Variants in SENP2 observed in about 807,000 individuals in gnomAD.
The protein encoded by SENP2 is SUMO specific peptidase 2.
SENP2 carries 16 observed loss-of-function variants against 86.3 expected under a neutral mutation model. The observed-to-expected ratio is 0.19, with a 90% CI of 0.13 to 0.28. The LOEUF (loss-of-function observed/expected upper bound fraction) is 0.28. SENP2 is among the 10% of genes least tolerant of loss of function. The probability of loss-of-function intolerance (pLI) is 1.00; values close to 1 mark genes in which losing one functional copy is unlikely to be tolerated. For synonymous variants in SENP2, 222 were observed against 238.7 expected, an observed-to-expected ratio of 0.93 and a Z score of 0.64; for missense variants, 552 against 703.0, an observed-to-expected ratio of 0.79 and a Z score of 2.43.
chr3:185,598,550 G>A lies in SENP2; in HGVS notation c.291+5G>A, dbSNP rs1560191384. 1.2e-6 allele frequency: 2 copies of A among 1,613,308 alleles called. No homozygotes were observed. The highest frequency in any genetic ancestry group is 1.7e-6 in the Non-Finnish European group (2 of 1,179,408). On this transcript the variant is annotated splice_donor_5th_base_variant and intron_variant, in intron 3 of 16. Transcript: ENST00000296257. The stretch of plus-strand genomic sequence containing the variant: ...AATGTGGCCCCTTCAGGAGAGGTCA[G>A]TGGGGATGAGACTCCATTAGGAATA...
intron 16 of SENP2, 150 bp downstream of exon 16, chr3:185,626,543 C>T (rs1236444324): frequency 3.2e-5 from 17 of 528,044 alleles, no homozygotes; most frequent in South Asian, 1.1e-4. Context: ...GAGGCCGAGG[C>T]GGGTGGACCA....
chr3:185,610,148 A>G (rs1354217445), intron 7 of SENP2, among the ~76,000 whole-genome samples: 1 of 143,210 alleles, frequency 7.0e-6, no homozygotes, highest in Non-Finnish European at 1.5e-5. Context: ...ACAGAATATT[A>G]TCTAGCTTTT....
intron 12 of SENP2, among the ~76,000 whole-genome samples, chr3:185,618,702 C>T (rs187162288): frequency 6.6e-5 from 10 of 152,114 alleles, no homozygotes; most frequent in African/African-American, 2.4e-4. Flanking sequence ...CACGGTGAAA[C>T]CCCGTCTCTA....
At position 185,606,351 on chromosome 3, in the gene SENP2, C is replaced by T; in HGVS notation, c.471C>T (p.Gly157=). Residue 157 remains glycine, a synonymous_variant, in exon 6 of 17, where the codon GGC becomes GGT. Coordinates refer to ENST00000296257, the MANE Select transcript of SENP2 (RefSeq NM_021627.3). The part of the protein sequence containing the change: ...PSFGFTLNSE[G]CNRRPGGRRH... ...TCAGTTTTACTTTGAACTCAGAAGG[C>T]TGTAATAGAAGACCAGGTGGCCGTC... 6.2e-7 allele frequency: 1 copy of T among 1,607,248 alleles called. No homozygotes were observed.
At chr3:185,591,531 T>G (rs1431260248) in intron 2 of SENP2, among the ~76,000 whole-genome samples, 1 of 151,714 alleles carries the variant, frequency 6.6e-6, no homozygotes, top group Non-Finnish European at 1.5e-5. Context: ...TTTTGTATTT[T>G]TAGTAGAGAC....
chr3:185,620,660 C>T (rs141758117), intron 13 of SENP2, among the ~76,000 whole-genome samples: 3,878 of 151,694 alleles, frequency 0.026, 120 homozygotes, highest in Admixed American at 0.095. Flanking sequence ...TGGTCAGGCT[C>T]GTCTTGAACT....
intron 16 of SENP2, among the ~76,000 whole-genome samples, chr3:185,629,178 A>C (rs932434774): frequency 6.6e-6 from 1 of 152,188 alleles, no homozygotes; most frequent in African/African-American, 2.4e-5. Flanking sequence ...ATAAGTAGAA[A>C]AGTTGCCTAT....
chr3:185,599,234 TGACTTA>T (rs534492374), intron 4 of SENP2, among the ~76,000 whole-genome samples: 2 of 152,310 alleles, frequency 1.3e-5, no homozygotes, highest in Admixed American at 1.3e-4. Flanking sequence ...GTCCTCAATG[TGACTTA>T]GATCAAGGTC....
intron 2 of SENP2, among the ~76,000 whole-genome samples, chr3:185,597,032 T>G (rs535775156): frequency 6.6e-6 from 1 of 152,274 alleles, no homozygotes; most frequent in East Asian, 1.9e-4. Flanking sequence ...TTTTGTATTT[T>G]TTTTAGAGAC....
chr3:185,609,211 T>G lies in SENP2; in HGVS notation c.619-36T>G, dbSNP rs372683160. On this transcript the variant is annotated intron_variant, in intron 6 of 16. Transcript: ENST00000296257. ...TGGCCTTTTAATTATAAATTTAATG[T>G]GCTGGTACTTATCTAACATGCTTTC... 4 of 1,433,890 alleles carry G rather than the reference T, an allele frequency of 2.8e-6. No homozygotes were observed. The African/African-American group carries it at 4.2e-5, about 15-fold the overall frequency. The allele number at this position is 1,433,890 out of a possible 1,614,324, so 88.8% of individuals were successfully genotyped here. A position where few individuals can be genotyped will look rare whatever the true frequency, so the allele number is the denominator to read the frequency against.
At chr3:185,621,244 A>G (rs1711860118) in intron 13 of SENP2, among the ~76,000 whole-genome samples, 1 of 133,726 alleles carries the variant, frequency 7.5e-6, no homozygotes, top group South Asian at 2.3e-4. Flanking sequence ...AAAAAAAAAA[A>G]AAGTCTCATC....
chr3:185,598,720 TA>T, intron 3 of SENP2, among the ~76,000 whole-genome samples, 175 bp downstream of exon 3: 1 of 152,322 alleles, frequency 6.6e-6, no homozygotes, highest in African/African-American at 2.4e-5. Flanking sequence ...AATGAACATT[TA>T]AAACATGTTT....
chr3:185,632,244 T>TTTTTG lies in SENP2; in HGVS notation c.*2404_*2405insGTTTT, dbSNP rs1560206192. The TTTTTG allele has an allele frequency of 2.3e-5, 3 of 131,292 alleles. No homozygotes were observed. The highest frequency in any genetic ancestry group is 8.8e-5 in the African/African-American group (3 of 34,098). 8.1% of individuals were successfully genotyped at this position (131,292 alleles called of 1,614,324 possible). The stretch of plus-strand genomic sequence containing the variant: ...TTTTTGTTTTTTTTTTTTGTTTTTT[T>TTTTTG]TTTTTTTTTTTGCGACAGAGTCTCT... On this transcript the variant is annotated 3_prime_UTR_variant, in exon 17 of 17. Transcript: ENST00000296257.
chr3:185,613,670 A>T, intron 10 of SENP2: 1 of 238,992 alleles, frequency 4.2e-6, no homozygotes, highest in Non-Finnish European at 8.1e-6. Context: ...CTCCACAAAA[A>T]AATTTAAAAG....
Position 185,586,429 on chromosome 3 carries a change from G to C in SENP2, c.16G>C (p.Val6Leu). 1 of 1,614,072 alleles carries C rather than the reference G, an allele frequency of 6.2e-7. No individual in the cohort carries two copies. Among genetic ancestry groups the C allele is most frequent in the Non-Finnish European group, 8.5e-7 (1 of 1,180,006 alleles). Residue 6 changes from valine to leucine, a missense_variant, in exon 1 of 17, where the codon GTT becomes CTT. Val to Leu is a conservative substitution (Grantham distance 32, BLOSUM62 1). This residue lies in a region of SENP2 where 383 missense variants were observed against 427.3 expected (regional missense o/e 0.90). Transcript: ENST00000296257. The surrounding 1 kb of genome is among the most constrained non-coding windows in gnomAD (Gnocchi z 4.3). ...TGGGCCTGGTATGTACAGATGGCTGGTTAGGATTCTCGGCACCATTTTCCG... is the reference window on the plus strand; with the variant it reads ...TGGGCCTGGTATGTACAGATGGCTGCTTAGGATTCTCGGCACCATTTTCCG... MYRWL[V>L]RILGTIFRFC...
At chr3:185,592,773 C>T (rs1221713602) in intron 2 of SENP2, among the ~76,000 whole-genome samples, 1 of 152,120 alleles carries the variant, frequency 6.6e-6, no homozygotes, top group Non-Finnish European at 1.5e-5. Flanking sequence ...CCCACCACCA[C>T]ACCCGGCTAA....
At chr3:185,610,056 C>T (rs1242064624) in intron 7 of SENP2, among the ~76,000 whole-genome samples, 1 of 151,262 alleles carries the variant, frequency 6.6e-6, no homozygotes, top group African/African-American at 2.4e-5. Flanking sequence ...GATTGAGGTA[C>T]ACTAGGTAAT....
At chr3:185,600,250 A>C (rs1722302005) in intron 4 of SENP2, among the ~76,000 whole-genome samples, 1 of 152,196 alleles carries the variant, frequency 6.6e-6, no homozygotes. Flanking sequence ...TGCTGGCACT[A>C]CTGTGTTTCT....
chr3:185,614,095 T>C (rs1711511005), intron 10 of SENP2, among the ~76,000 whole-genome samples: 1 of 152,202 alleles, frequency 6.6e-6, no homozygotes, highest in Admixed American at 6.5e-5. Context: ...AGGTGTTCAT[T>C]CAAATTAAGT....
Sources: gnomAD v4.1 joint callset for allele counts (sites outside exome capture counted in the v4.1 genomes callset) on GRCh38, gnomAD v4.1.1 for gene constraint, gnomAD v4.1.1 regional missense constraint, Gnocchi (gnomAD v3.1) non-coding constraint, MANE v1.5 for transcripts, NCBI Gene and HGNC (gene_info 2026-07-23, HGNC 2026-07-21) for gene names.